HIRA: variants seen among roughly 807,000 people sequenced by gnomAD.
HIRA encodes the protein histone cell cycle regulator, also known as protein HIRA.
A neutral mutation model predicts 126.6 loss-of-function variants in HIRA; 13 were observed. The ratio of observed to expected loss-of-function variants is 0.10; its 90% CI spans 0.07 to 0.16. The LOEUF is 0.16. Ranked by LOEUF, HIRA falls within the 10% of genes least tolerant of loss-of-function variation. The pLI is 1.00. For synonymous variants in HIRA, 511 were observed against 520.0 expected (o/e 0.98, Z 0.24); for missense variants, 834 against 1,314.4 (o/e 0.63, Z 5.65).
intron 5 of HIRA, 49 bp downstream of exon 5, chr22:19,405,737 T>G: frequency 8.6e-6 from 11 of 1,284,598 alleles, no homozygotes; most frequent in Non-Finnish European, 1.0e-5. Flanking sequence ...GCTGCTGATC[T>G]GAGCCAGGTG....
At chr22:19,431,070 C>T (rs1410801567) in intron 1 of HIRA, among the ~76,000 whole-genome samples, 1 of 152,204 alleles carries the variant, frequency 6.6e-6, no homozygotes, top group Non-Finnish European at 1.5e-5. Flanking sequence ...GATTTCATCC[C>T]GGTTTCACCT....
At chr22:19,348,921 G>A (rs187916348) in intron 24 of HIRA, among the ~76,000 whole-genome samples, 24 of 151,898 alleles carry the variant, frequency 1.6e-4, no homozygotes, top group African/African-American at 5.6e-4. Flanking sequence ...GAGTAGCTGG[G>A]ATTACAGGCA....
intron 24 of HIRA, among the ~76,000 whole-genome samples, chr22:19,348,551 A>C (rs1400250120): frequency 3.3e-5 from 5 of 151,730 alleles, no homozygotes; most frequent in Non-Finnish European, 7.4e-5. Context: ...GCTGGTGTGC[A>C]ATGGCGCGAT....
At chr22:19,429,719 T>C (rs1221909732) in intron 1 of HIRA, among the ~76,000 whole-genome samples, 3 of 152,330 alleles carry the variant, frequency 2.0e-5, no homozygotes, top group South Asian at 4.1e-4. Flanking sequence ...TATGTTTACA[T>C]AGCATAAAAC....
At chr22:19,400,517 T>A (rs570460092) in intron 5 of HIRA, among the ~76,000 whole-genome samples, 1 of 152,360 alleles carries the variant, frequency 6.6e-6, no homozygotes, top group African/African-American at 2.4e-5. Context: ...AATGTTTTCA[T>A]CCGTAACATT....
Position 19,410,756 on chromosome 22 carries a change from A to G in HIRA, c.60T>C (p.Asp20=), listed in dbSNP as rs1314503574. The change falls in exon 2 of 25, where the codon GAT becomes GAC. Residue 20 remains aspartate, a synonymous_variant. Coordinates refer to ENST00000263208, the MANE Select transcript of HIRA (RefSeq NM_003325.4). ...CGAACTTGGTCCCGTCAGGGTGAAT[A>G]TCAACTGAAAAAATCGGCTTGCCTG... ...NHNGKPIFSV[D]IHPDGTKFAT... 1.9e-6 allele frequency: 3 copies of G among 1,614,050 alleles called. No homozygotes were observed. Among genetic ancestry groups the G allele is most frequent in the Non-Finnish European group, 2.5e-6 (3 of 1,179,976 alleles).
At chr22:19,405,668 G>T in intron 5 of HIRA, 118 bp downstream of exon 5, 1 of 861,070 alleles carries the variant, frequency 1.2e-6, no homozygotes, top group Non-Finnish European at 1.6e-6. Flanking sequence ...GATGGGGTGG[G>T]ACAGCCCAGA....
intron 15 of HIRA, among the ~76,000 whole-genome samples, chr22:19,367,906 A>G (rs1463626302): frequency 6.6e-6 from 1 of 152,208 alleles, no homozygotes; most frequent in African/African-American, 2.4e-5. Flanking sequence ...CCTTATAAAC[A>G]TTAAAGAGAG....
At chr22:19,427,378 G>A (rs370593220) in intron 1 of HIRA, among the ~76,000 whole-genome samples, 70 of 152,244 alleles carry the variant, frequency 4.6e-4, no homozygotes, top group African/African-American at 1.5e-3. Context: ...AGTGCCCTCC[G>A]GCAGCAGGCT....
chr22:19,337,825 T>A lies in HIRA; in HGVS notation c.2938-6269A>T, dbSNP rs1011237951. 4.6e-5 allele frequency among the ~76,000 whole-genome samples: 7 copies of A among 152,010 alleles called. 1 individual carries two copies. Among genetic ancestry groups the A allele is most frequent in the Admixed American group, 1.3e-4 (2 of 15,250 alleles). ...TTTTTTTTTTGAGACAGAGTCTTGC[T>A]TTGTCATCCAGGCTGGAGTGCAGTG... On this transcript the variant is annotated intron_variant, in intron 24 of 24. Coordinates refer to ENST00000263208, the MANE Select transcript of HIRA (RefSeq NM_003325.4).
intron 24 of HIRA, among the ~76,000 whole-genome samples, chr22:19,338,931 A>T (rs575012599): frequency 6.6e-6 from 1 of 152,242 alleles, no homozygotes; most frequent in African/African-American, 2.4e-5. Flanking sequence ...ATGGACTTAC[A>T]CTATACCCTA....
intron 1 of HIRA, 140 bp from the exon 2 acceptor site, chr22:19,410,918 G>T (rs2089347018): frequency 2.8e-6 from 2 of 727,208 alleles, no homozygotes; most frequent in South Asian, 3.4e-5. Flanking sequence ...AACAGTGGGA[G>T]AAAGCATTCC....
chr22:19,340,484 G>C (rs1026945567), intron 24 of HIRA, among the ~76,000 whole-genome samples: 1 of 152,058 alleles, frequency 6.6e-6, no homozygotes, highest in South Asian at 2.1e-4. Context: ...TGTCACCACT[G>C]CTATTCAACA....
rs370818015 is a variant in HIRA at position 19,375,645 on chromosome 22, C to T, written c.1761G>A (p.Pro587=). 42 of 1,614,066 alleles carry T rather than the reference C, an allele frequency of 2.6e-5. No homozygotes were observed. In the East Asian group the frequency reaches 3.3e-4, roughly 13 times the overall value. The change falls in exon 15 of 25, where the codon CCG becomes CCA. Residue 587 remains proline (P), a synonymous_variant. Coordinates refer to ENST00000263208, the MANE Select transcript of HIRA (RefSeq NM_003325.4). The part of the protein sequence containing the change: ...PGAPALTSMT[P]TAVERLKEQN... ...CTACCACCTACCTTTCCACAGCTGT[C>T]GGAGTCATGCTGGTCAGGGCAGGAG...
At chr22:19,390,709 C>T (rs571028365) in intron 9 of HIRA, among the ~76,000 whole-genome samples, 2 of 151,344 alleles carry the variant, frequency 1.3e-5, no homozygotes, top group South Asian at 4.2e-4. Flanking sequence ...CACAGCATCA[C>T]CCAGGGGTGA....
chr22:19,334,691 G>T (rs936118257), intron 24 of HIRA, among the ~76,000 whole-genome samples: 10 of 151,964 alleles, frequency 6.6e-5, no homozygotes. Flanking sequence ...CAAAGTGCTG[G>T]GATTAAGGCA....
At chr22:19,374,912 C>T (rs1008041277) in intron 15 of HIRA, among the ~76,000 whole-genome samples, 30 of 152,226 alleles carry the variant, frequency 2.0e-4, no homozygotes. Flanking sequence ...CCTCTCCTCT[C>T]CTAGGCTCTG....
At chr22:19,410,570 A>G (rs1408915559) in intron 2 of HIRA, 146 bp downstream of exon 2, 5 of 664,922 alleles carry the variant, frequency 7.5e-6, no homozygotes, top group African/African-American at 3.6e-5. Flanking sequence ...ATTCATTCAG[A>G]TAACACATTA....
At chr22:19,420,903 T>C (rs994749116) in intron 1 of HIRA, among the ~76,000 whole-genome samples, 1 of 152,204 alleles carries the variant, frequency 6.6e-6, no homozygotes, top group Non-Finnish European at 1.5e-5. Context: ...CCTACTTCCA[T>C]TAGAAAATTA....
Sources: gnomAD v4.1 joint callset for allele counts (sites outside exome capture counted in the v4.1 genomes callset) on GRCh38, gnomAD v4.1.1 for gene constraint, MANE v1.5 for transcripts, NCBI Gene and HGNC (gene_info 2026-07-23, HGNC 2026-07-21) for gene names.